SLC2A12: variants seen among roughly 807,000 people sequenced by gnomAD.
The protein encoded by SLC2A12 is solute carrier family 2 member 12, also known as solute carrier family 2, facilitated glucose transporter member 12.
SLC2A12 carries 23 observed loss-of-function variants against 41.8 expected under a neutral mutation model. The observed-to-expected ratio is 0.55, with a 90% CI of 0.40 to 0.78. The LOEUF (loss-of-function observed/expected upper bound fraction) is 0.78, where lower values mean the gene tolerates loss of function less well. Ranked by LOEUF, SLC2A12 falls within the 30% of genes least tolerant of loss-of-function variation. The pLI, the probability that SLC2A12 is intolerant of heterozygous loss-of-function variation, is 0.00. For missense variants in SLC2A12, 654 were observed against 745.6 expected (o/e 0.88, Z 1.43); for synonymous variants, 295 against 285.9 (o/e 1.03, Z -0.32).
intron 2 of SLC2A12, 94 bp from the exon 3 acceptor site, chr6:134,007,028 C>T: frequency 6.5e-7 from 1 of 1,539,378 alleles, no homozygotes; most frequent in Non-Finnish European, 8.8e-7. Flanking sequence ...CTGCCCTCAT[C>T]CTGCCGGGAT....
At chr6:134,029,764 A>C (rs748337023) in intron 1 of SLC2A12, 43 bp from the exon 2 acceptor site, 1 of 1,540,610 alleles carries the variant, frequency 6.5e-7, no homozygotes, top group South Asian at 1.2e-5. Context: ...TTCTCAGTTG[A>C]GATTTTAAAC....
chr6:133,991,276 C>T lies in SLC2A12; in HGVS notation c.1733G>A (p.Ser578Asn), dbSNP rs1396154700. Residue 578 changes from serine to asparagine, a missense_variant, in exon 5 of 5, where the codon AGT becomes AAT. Physicochemically the swap from Ser to Asn is conservative, Grantham distance 46. Around this residue, in one of 3 missense-constraint regions of SLC2A12, gnomAD observed 134 missense variants for 180.5 expected, o/e 0.74. Coordinates refer to ENST00000275230, the MANE Select transcript of SLC2A12 (RefSeq NM_145176.3). ...NYVKNNICFM[S>N]HHQEELVPKQ... ...TGGCACTAATTCTTCTTGGTGATGA[C>T]TCATAAAACAAATGTTGTTTTTCAC... The T allele has an allele frequency of 1.2e-6, 2 of 1,613,662 alleles. No individual in the cohort carries two copies. Among genetic ancestry groups the T allele is most frequent in the Admixed American group, 1.7e-5 (1 of 59,956 alleles).
At chr6:134,039,954 C>G (rs76967055) in intron 1 of SLC2A12, among the ~76,000 whole-genome samples, 12,147 of 152,166 alleles carry the variant, frequency 0.08, 1,359 homozygotes, top group African/African-American at 0.25. Flanking sequence ...CGAGGCCTCC[C>G]CAGAAGCAGA....
chr6:134,006,771 A>G (rs753068017), intron 3 of SLC2A12, 41 bp downstream of exon 3: 1 of 1,611,400 alleles, frequency 6.2e-7, no homozygotes, highest in South Asian at 1.1e-5. Flanking sequence ...CATTTGTCCT[A>G]CGAGGACCAA....
intron 1 of SLC2A12, among the ~76,000 whole-genome samples, chr6:134,036,974 G>C (rs1476513411): frequency 1.3e-5 from 2 of 151,948 alleles, no homozygotes; most frequent in Non-Finnish European, 2.9e-5. Context: ...CAGTGGACCA[G>C]GTCTTCAGGT....
At chr6:133,998,744 G>A (rs1776723032) in intron 4 of SLC2A12, among the ~76,000 whole-genome samples, 1 of 152,182 alleles carries the variant, frequency 6.6e-6, no homozygotes, top group South Asian at 2.1e-4. Flanking sequence ...GTTTCGCCAT[G>A]TTTTCAGGCT....
chr6:134,044,751 A>G (rs1777433160), intron 1 of SLC2A12, among the ~76,000 whole-genome samples: 1 of 139,022 alleles, frequency 7.2e-6, no homozygotes, highest in Non-Finnish European at 1.6e-5. Flanking sequence ...TGTCTTAGAT[A>G]CATTTTTTTT....
At chr6:133,996,077 G>A (rs1340101882) in intron 4 of SLC2A12, among the ~76,000 whole-genome samples, 2 of 152,190 alleles carry the variant, frequency 1.3e-5, no homozygotes, top group African/African-American at 4.8e-5. Context: ...GAAATCTCAT[G>A]GTGATTGTAC....
intron 2 of SLC2A12, among the ~76,000 whole-genome samples, chr6:134,022,239 C>A (rs994979029): frequency 6.6e-6 from 1 of 151,810 alleles, no homozygotes; most frequent in East Asian, 1.9e-4. Context: ...CCCAGAATTT[C>A]TTTTACTTGT....
At chr6:134,035,913 G>A (rs1293058186) in intron 1 of SLC2A12, among the ~76,000 whole-genome samples, 5 of 152,216 alleles carry the variant, frequency 3.3e-5, no homozygotes, top group South Asian at 2.1e-4. Context: ...AGGGTGCCAC[G>A]AGACTGTAGC....
At chr6:134,010,295 A>G (rs148115556) in intron 2 of SLC2A12, among the ~76,000 whole-genome samples, 19 of 152,292 alleles carry the variant, frequency 1.2e-4, no homozygotes, top group Non-Finnish European at 2.1e-4. Context: ...TCACTACCAC[A>G]GCAAAAAAGT....
chr6:134,045,614 G>T lies in SLC2A12; in HGVS notation c.103+6764C>A, dbSNP rs1777446881. The stretch of plus-strand genomic sequence containing the variant: ...TGAGACAGAAGAGACCCTGGTACCT[G>T]GTAGTAAATGATTGGTAAATGTTAG... On this transcript the variant is annotated intron_variant, in intron 1 of 4. Coordinates refer to ENST00000275230, the MANE Select transcript of SLC2A12 (RefSeq NM_145176.3). Among the ~76,000 whole-genome samples, 3 of 152,310 alleles carry T rather than the reference G, an allele frequency of 2.0e-5. No homozygotes were observed. The South Asian group carries it at 6.2e-4, about 32-fold the overall frequency.
At position 134,002,392 on chromosome 6, in the gene SLC2A12, T is replaced by C. The variant is rs17063256; in HGVS notation, c.1568-263A>G. Among the ~76,000 whole-genome samples the C allele has an allele frequency of 3.9e-3, 601 of 152,254 alleles. 38 individuals carry two copies. The East Asian group carries it at 0.1, about 26-fold the overall frequency. On this transcript the variant is annotated intron_variant, in intron 3 of 4. Coordinates refer to ENST00000275230, the MANE Select transcript of SLC2A12 (RefSeq NM_145176.3). The stretch of plus-strand genomic sequence containing the variant: ...CCCAATGTCATCTTCTTGGTGGGCA[T>C]GTCTTTCTGTTTCAAAATGGCAATG...
intron 1 of SLC2A12, among the ~76,000 whole-genome samples, chr6:134,032,565 T>G (rs985182156): frequency 2.1e-5 from 3 of 145,950 alleles, no homozygotes; most frequent in Non-Finnish European, 3.0e-5. Context: ...AGCTGTGGTC[T>G]CAGTTGCCTG....
At chr6:134,042,085 A>C (rs1267149471) in intron 1 of SLC2A12, among the ~76,000 whole-genome samples, 19 of 152,248 alleles carry the variant, frequency 1.2e-4, no homozygotes, top group Non-Finnish European at 1.5e-5. Flanking sequence ...TAAAAAATTC[A>C]GTGTGCTAGT....
chr6:134,052,587 G>T lies in SLC2A12; in HGVS notation c.-107C>A. On this transcript the variant is annotated 5_prime_UTR_variant, in exon 1 of 5. Coordinates refer to ENST00000275230, the MANE Select transcript of SLC2A12 (RefSeq NM_145176.3). ...TAATAGCATGCTAAAGAAGAGTGTGGGGAAAAACTTCGGGCAAAGCTAATG... is the reference window on the plus strand; with the variant it reads ...TAATAGCATGCTAAAGAAGAGTGTGTGGAAAAACTTCGGGCAAAGCTAATG... 1 of 823,572 alleles carries T rather than the reference G, an allele frequency of 1.2e-6. No homozygotes were observed. The highest frequency in any genetic ancestry group is 1.7e-5 in the African/African-American group (1 of 58,904). 51.0% of individuals were successfully genotyped at this position (823,572 alleles called of 1,614,324 possible).
At chr6:134,046,040 T>G (rs560324798) in intron 1 of SLC2A12, among the ~76,000 whole-genome samples, 51 of 152,320 alleles carry the variant, frequency 3.3e-4, no homozygotes, top group African/African-American at 1.1e-3. Flanking sequence ...GGATGCTCTC[T>G]CACCACACAA....
At chr6:134,040,901 G>A (rs767764105) in intron 1 of SLC2A12, among the ~76,000 whole-genome samples, 1 of 152,204 alleles carries the variant, frequency 6.6e-6, no homozygotes, top group Non-Finnish European at 1.5e-5. Context: ...TATATTCAGT[G>A]TCTGACACAC....
chr6:134,013,058 T>C (rs529551294), intron 2 of SLC2A12, among the ~76,000 whole-genome samples: 1 of 152,286 alleles, frequency 6.6e-6, no homozygotes, highest in African/African-American at 2.4e-5. Flanking sequence ...GAACTTAGTA[T>C]TTTACTCTAC....
Sources: allele counts gnomAD v4.1 joint callset (sites outside exome capture counted in the v4.1 genomes callset), GRCh38; gene constraint gnomAD v4.1.1; regional missense constraint gnomAD v4.1.1; transcripts MANE v1.5; gene names NCBI Gene and HGNC (gene_info 2026-07-23, HGNC 2026-07-21).